TMEM220: variants seen among roughly 807,000 people sequenced by gnomAD.
The protein encoded by TMEM220 is transmembrane protein 220.
TMEM220 carries 21 observed loss-of-function variants against 21.7 expected under a neutral mutation model. That is an observed-to-expected ratio of 0.97 (90% confidence interval 0.69 to 1.39). The LOEUF (loss-of-function observed/expected upper bound fraction) is 1.39. Among genes scored for constraint, TMEM220 ranks in the 40% most tolerant of loss-of-function variants. TMEM220 has a pLI of 0.00. For missense variants in TMEM220, 191 were observed against 201.9 expected, an observed-to-expected ratio of 0.95 and a Z score of 0.33; for synonymous variants, 80 against 73.6, an observed-to-expected ratio of 1.09 and a Z score of -0.45.
intron 1 of TMEM220, 21 bp downstream of exon 1, chr17:10,729,759 C>T (rs1443638814): frequency 4.4e-6 from 6 of 1,348,492 alleles, no homozygotes; most frequent in East Asian, 6.1e-5. Context: ...GCGGGTCCCC[C>T]TCCCACCGCG....
At chr17:10,723,690 T>C (rs1161031111) in intron 4 of TMEM220, among the ~76,000 whole-genome samples, 1 of 152,156 alleles carries the variant, frequency 6.6e-6, no homozygotes, top group Non-Finnish European at 1.5e-5. Context: ...AATCCCAGAT[T>C]TGATCAGTCA....
intron 3 of TMEM220, among the ~76,000 whole-genome samples, chr17:10,725,754 C>G (rs1377809118): frequency 6.6e-6 from 1 of 152,184 alleles, no homozygotes; most frequent in African/African-American, 2.4e-5. Context: ...TTCTTCTCAG[C>G]TCATAGCACA....
At chr17:10,716,683 A>G (rs2074926428) in intron 5 of TMEM220, among the ~76,000 whole-genome samples, 1 of 152,284 alleles carries the variant, frequency 6.6e-6, no homozygotes, top group South Asian at 2.1e-4. Context: ...ATGGACATTG[A>G]ATTTATCCTA....
rs188955610 is a variant in TMEM220 at position 10,721,838 on chromosome 17, A to G, written c.347+1432T>C. Among the ~76,000 whole-genome samples, 3 of 152,160 alleles carry G rather than the reference A, an allele frequency of 2.0e-5. No individual in the cohort carries two copies. In the East Asian group the frequency reaches 5.8e-4, roughly 29 times the overall value. ...ATTCACAAAAAGTTGTTTTTCTCCA[A>G]TAATTGTCTTACATTCTACTTTGTT... On this transcript the variant is annotated intron_variant, in intron 5 of 5. Transcript: ENST00000341871.
Sources: gnomAD v4.1 joint callset for allele counts (sites outside exome capture counted in the v4.1 genomes callset) on GRCh38, gnomAD v4.1.1 for gene constraint, MANE v1.5 for transcripts, NCBI Gene and HGNC (gene_info 2026-07-23, HGNC 2026-07-21) for gene names.